Variants in KRABD5 observed in about 807,000 individuals in gnomAD.
KRABD5 encodes KRAB domain-containing protein 5.
At chr16:31,728,879 A>G in the KRABD5 span, among the ~76,000 whole-genome samples, 4 of 152,162 alleles carry the variant, frequency 2.6e-5, no homozygotes, top group African/African-American at 9.7e-5. Context: ...GTAGGGTACT[A>G]ATGTTCTCTT....
chr16:31,743,623 A>G, the KRABD5 span, among the ~76,000 whole-genome samples: 2 of 152,222 alleles, frequency 1.3e-5, no homozygotes, highest in South Asian at 4.1e-4. Context: ...TTGATTCCAT[A>G]TGAAATAAAA....
At chr16:31,742,802 T>C in the KRABD5 span, among the ~76,000 whole-genome samples, 2 of 152,208 alleles carry the variant, frequency 1.3e-5, no homozygotes, top group African/African-American at 4.8e-5. Context: ...TTTCCATTTC[T>C]CCACAGCCTG....
chr16:31,756,447 A>T, the KRABD5 span: 1 of 152,124 alleles, frequency 6.6e-6, no homozygotes, highest in Non-Finnish European at 1.5e-5. Context: ...GTAATCTTGA[A>T]TATTATTTGA....
the KRABD5 span, among the ~76,000 whole-genome samples, chr16:31,751,699 T>G: frequency 8.9e-4 from 136 of 152,330 alleles, no homozygotes; most frequent in African/African-American, 3.2e-3. Flanking sequence ...CAATCTCGTT[T>G]ACCCTTTCAA....
At chr16:31,756,159 T>A in the KRABD5 span, 1 of 152,394 alleles carries the variant, frequency 6.6e-6, no homozygotes, top group South Asian at 2.1e-4. Flanking sequence ...TAAGAGGTCG[T>A]TCTATAGTAG....
the KRABD5 span, among the ~76,000 whole-genome samples, chr16:31,737,496 G>A: frequency 4.0e-5 from 6 of 151,708 alleles, no homozygotes; most frequent in African/African-American, 1.4e-4. Flanking sequence ...GTTTGTAAAT[G>A]TGCAAGGTAA....
At chr16:31,751,299 CT>C in the KRABD5 span, among the ~76,000 whole-genome samples, 1 of 152,070 alleles carries the variant, frequency 6.6e-6, no homozygotes, top group Non-Finnish European at 1.5e-5. Context: ...TGATGTTGGC[CT>C]CATAGAATGA....
the KRABD5 span, chr16:31,759,195 C>T: frequency 2.1e-5 from 14 of 668,874 alleles, no homozygotes; most frequent in Non-Finnish European, 2.7e-5. Flanking sequence ...ACCAAAATGT[C>T]CATTAATAAG....
At chr16:31,742,171 T>G in the KRABD5 span, among the ~76,000 whole-genome samples, 2 of 132,734 alleles carry the variant, frequency 1.5e-5, no homozygotes, top group East Asian at 2.2e-4. Flanking sequence ...TAAAAAAAAT[T>G]TTTTGTTTTT....
chr16:31,756,325 A>G, the KRABD5 span: 11 of 152,166 alleles, frequency 7.2e-5, no homozygotes, highest in African/African-American at 2.7e-4. Context: ...ATTCTATACT[A>G]AAGTAAAAGA....
the KRABD5 span, among the ~76,000 whole-genome samples, chr16:31,752,581 C>T: frequency 6.6e-6 from 1 of 152,114 alleles, no homozygotes; most frequent in Non-Finnish European, 1.5e-5. Flanking sequence ...TTAAAGAAGT[C>T]ACAAAATGCC....
the KRABD5 span, among the ~76,000 whole-genome samples, chr16:31,724,353 A>G: frequency 6.6e-6 from 1 of 152,180 alleles, no homozygotes; most frequent in African/African-American, 2.4e-5. Context: ...CATATTAATC[A>G]TCTCACATAG....
the KRABD5 span, chr16:31,759,355 A>C: frequency 6.6e-7 from 1 of 1,517,674 alleles, no homozygotes; most frequent in Non-Finnish European, 8.9e-7. Flanking sequence ...ATTTTATTCC[A>C]GGCAAAATAA....
the KRABD5 span, among the ~76,000 whole-genome samples, chr16:31,730,669 C>T: frequency 2.6e-5 from 4 of 151,956 alleles, no homozygotes; most frequent in Non-Finnish European, 5.9e-5. Context: ...TCTGAAAATC[C>T]TAAAATATGT....
At chr16:31,758,774 CAA>C in the KRABD5 span, 8 of 94,548 alleles carry the variant, frequency 8.5e-5, no homozygotes, top group Admixed American at 1.1e-4. Flanking sequence ...AACTCTGTCT[CAA>C]AAAAAAAAAA....
the KRABD5 span, among the ~76,000 whole-genome samples, chr16:31,725,155 G>T: frequency 2.0e-5 from 3 of 151,364 alleles, no homozygotes; most frequent in African/African-American, 7.3e-5. Flanking sequence ...TCACTTTGTT[G>T]CCCGGGCTGG....
the KRABD5 span, chr16:31,754,009 A>G: frequency 1.5e-6 from 2 of 1,330,780 alleles, no homozygotes; most frequent in East Asian, 2.5e-5. Context: ...GAAAAAACTC[A>G]ATTTATGTCA....
At chr16:31,740,887 C>T in the KRABD5 span, among the ~76,000 whole-genome samples, 1 of 152,088 alleles carries the variant, frequency 6.6e-6, no homozygotes, top group South Asian at 2.1e-4. Flanking sequence ...GGGTATATTG[C>T]ATTACACTGG....
At chr16:31,744,388 G>GTT in the KRABD5 span, among the ~76,000 whole-genome samples, 1 of 152,092 alleles carries the variant, frequency 6.6e-6, no homozygotes, top group Non-Finnish European at 1.5e-5. Flanking sequence ...TAATCATGTG[G>GTT]TTTTTGTCTT....
Sources: gnomAD v4.1 joint callset for allele counts (sites outside exome capture counted in the v4.1 genomes callset) on GRCh38, gnomAD v4.1.1 for gene constraint, MANE v1.5 for transcripts, NCBI Gene and HGNC (gene_info 2026-07-23, HGNC 2026-07-21) for gene names.